PPP1R13L: variants seen among roughly 807,000 people sequenced by gnomAD.
PPP1R13L encodes the protein relA-associated inhibitor.
PPP1R13L carries 50 observed loss-of-function variants against 80.9 expected under a neutral mutation model. That is an observed-to-expected ratio of 0.62 (90% CI 0.49 to 0.78). PPP1R13L has a LOEUF of 0.78. PPP1R13L is among the 30% of genes least tolerant of loss of function. PPP1R13L has a pLI of 0.00. For synonymous variants in PPP1R13L, 602 were observed against 534.3 expected, an observed-to-expected ratio of 1.13 and a Z score of -1.75; for missense variants, 1,200 against 1,205.9, an observed-to-expected ratio of 1.00 and a Z score of 0.07.
intron 7 of PPP1R13L, 136 bp from the exon 8 acceptor site, chr19:45,392,476 T>G (rs1462319178): frequency 1.1e-6 from 1 of 876,812 alleles, no homozygotes; most frequent in African/African-American, 1.7e-5. Flanking sequence ...CTCTCTGGGC[T>G]ACACTTTCCT....
At chr19:45,383,906 C>T (rs1365762296) in intron 11 of PPP1R13L, among the ~76,000 whole-genome samples, 1 of 151,726 alleles carries the variant, frequency 6.6e-6, no homozygotes, top group Non-Finnish European at 1.5e-5. Flanking sequence ...GGACTACAGG[C>T]CCACGCCGCT....
Position 45,396,486 on chromosome 19 carries a change from G to T in PPP1R13L, c.713-50C>A. 1 of 1,611,054 alleles carries T rather than the reference G, an allele frequency of 6.2e-7. No individual in the cohort carries two copies. ...TGAGACGGGAGGGGTGGCGAGCCCC[G>T]GATCCTGCCCGCTTTGACCCCGCGA... On this transcript the variant is annotated intron_variant, in intron 4 of 12. Coordinates refer to ENST00000360957, the MANE Select transcript of PPP1R13L (RefSeq NM_006663.4). The surrounding 1 kb of genome is among the most constrained non-coding windows in gnomAD (Gnocchi z 5.3).
rs200307247 is a variant in PPP1R13L at position 45,392,013 on chromosome 19, C to A, written c.1682G>T (p.Gly561Val). The A allele has an allele frequency of 1.4e-5, 22 of 1,539,422 alleles. No individual in the cohort carries two copies. The highest frequency in any genetic ancestry group is 1.9e-5 in the Non-Finnish European group (22 of 1,146,618). Residue 561 changes from glycine to valine, a missense_variant, in exon 8 of 13, where the codon GGG (glycine) becomes GTG (valine). Physicochemically the swap from Gly to Val is moderately radical, Grantham distance 109. This residue lies in a region of PPP1R13L where 214 missense variants were observed against 199.6 expected (regional missense o/e 1.07). Transcript: ENST00000360957. ...FHRHGGPGPG[G>V]PEPELSPITE... The stretch of plus-strand genomic sequence containing the variant: ...GATGGGGGACAGCTCTGGCTCCGGC[C>A]CCCCGGGCCCTGGCCCCCCATGACG...
Position 45,385,879 on chromosome 19 carries a change from C to T in PPP1R13L, c.2026G>A (p.Val676Met), listed in dbSNP as rs1972857534. The change falls in exon 10 of 13, where the codon GTG becomes ATG. Residue 676 changes from valine to methionine, a missense_variant. By Grantham distance (21) the Val-to-Met change is conservative. This residue lies in a region of PPP1R13L where 214 missense variants were observed against 199.6 expected (regional missense o/e 1.07). Coordinates refer to ENST00000360957, the MANE Select transcript of PPP1R13L (RefSeq NM_006663.4). ...NAICGANYSI[V>M]DFLITAGANV... ...GCACCCGCGGTGATGAGGAAATCCA[C>T]GATAGAGTAGTTGGCGCCGCAGATG... The T allele has an allele frequency of 1.9e-6, 3 of 1,611,012 alleles. No homozygotes were observed. Among genetic ancestry groups the T allele is most frequent in the Non-Finnish European group, 1.7e-6 (2 of 1,178,780 alleles).
At chr19:45,406,052 T>G (rs973495667), upstream of PPP1R13L, among the ~76,000 whole-genome samples, 1 of 152,186 alleles carries the variant, frequency 6.6e-6, no homozygotes, top group African/African-American at 2.4e-5. This position sits in a 1 kb window ranked among gnomAD's most constrained non-coding sequence, Gnocchi z 4.2. Context: ...TCCACGCGTG[T>G]GGGGCTCCTG....
intron 1 of PPP1R13L, among the ~76,000 whole-genome samples, chr19:45,401,782 G>A (rs1973237195): frequency 6.8e-6 from 1 of 147,982 alleles, no homozygotes; most frequent in South Asian, 2.2e-4. Flanking sequence ...GTAAAAGCAT[G>A]AGTAAGAAGT....
chr19:45,397,464 C>CTTTCTT (rs1555782640), intron 3 of PPP1R13L, among the ~76,000 whole-genome samples: 3 of 101,612 alleles, frequency 3.0e-5, no homozygotes, highest in East Asian at 5.3e-4. Context: ...TGCTTGCTTT[C>CTTTCTT]TCTCTCTCTC....
chr19:45,397,082 G>A (rs1400913891), intron 3 of PPP1R13L, 24 bp from the exon 4 acceptor site: 1 of 1,291,104 alleles, frequency 7.7e-7, no homozygotes, highest in East Asian at 3.1e-5. Context: ...AGGGCATTGA[G>A]GGATGGATCA....
At chr19:45,406,276 T>C, upstream of PPP1R13L, 1 of 1,032,654 alleles carries the variant, frequency 9.7e-7, no homozygotes, top group Non-Finnish European at 1.2e-6. This position sits in a 1 kb window ranked among gnomAD's most constrained non-coding sequence, Gnocchi z 4.2. Flanking sequence ...ACAGCCCTAC[T>C]AACTAGTATT....
chr19:45,384,297 G>C lies in PPP1R13L; in HGVS notation c.2248+1265C>G, dbSNP rs1457275554. Reference sequence around the variant, plus strand: ...GCACTTTGGGAGGCCAAGGCAGGCGGATCCTCTGAGGTCAGGGGTTTGAGA... The same window carrying C: ...GCACTTTGGGAGGCCAAGGCAGGCGCATCCTCTGAGGTCAGGGGTTTGAGA... On this transcript the variant is annotated intron_variant, in intron 11 of 12. Transcript: ENST00000360957. Among the ~76,000 whole-genome samples, 10 of 147,026 alleles carry C rather than the reference G, an allele frequency of 6.8e-5. No individual in the cohort carries two copies. The Admixed American group carries it at 7.0e-4, about 10-fold the overall frequency.
At chr19:45,381,774 C>T (rs1045380462) in intron 12 of PPP1R13L, among the ~76,000 whole-genome samples, 1 of 119,124 alleles carries the variant, frequency 8.4e-6, no homozygotes, top group Non-Finnish European at 1.8e-5. Flanking sequence ...ACACAAAATA[C>T]AAAAAAAAAA....
At chr19:45,405,091 G>C (rs951030049), upstream of PPP1R13L, 2 of 983,140 alleles carry the variant, frequency 2.0e-6, no homozygotes, top group Non-Finnish European at 1.2e-6. Flanking sequence ...GCTGGGAACA[G>C]GTTAGACGAC....
chr19:45,382,021 A>T (rs8112723), intron 12 of PPP1R13L, among the ~76,000 whole-genome samples: 60,315 of 151,786 alleles, frequency 0.4, 12,082 homozygotes, highest in East Asian at 0.46. Context: ...CAGGTGGATC[A>T]TTTGAGGTCA....
chr19:45,392,372 G>A (rs1447950067), intron 7 of PPP1R13L, 32 bp from the exon 8 acceptor site: 1 of 1,600,666 alleles, frequency 6.2e-7, no homozygotes, highest in Non-Finnish European at 8.6e-7. Context: ...CAGAGGACAG[G>A]TCCCCAGGAG....
intron 12 of PPP1R13L, 117 bp downstream of exon 12, chr19:45,382,410 C>G: frequency 4.9e-6 from 6 of 1,232,774 alleles, no homozygotes; most frequent in Non-Finnish European, 6.9e-6. Context: ...GCTTTTCAGA[C>G]CTCCCTCTCC....
intron 1 of PPP1R13L, among the ~76,000 whole-genome samples, chr19:45,398,543 C>T (rs1337320471): frequency 6.6e-6 from 1 of 151,860 alleles, no homozygotes; most frequent in African/African-American, 2.4e-5. Context: ...CAAACCCAGT[C>T]TAAAACCTCC....
chr19:45,388,411 T>A (rs10419767), intron 8 of PPP1R13L, among the ~76,000 whole-genome samples: 24,022 of 151,412 alleles, frequency 0.16, 3,247 homozygotes, highest in African/African-American at 0.35. Context: ...CTGTCTCTAC[T>A]GAAAATGTTA....
At position 45,395,812 on chromosome 19, in the gene PPP1R13L, C is replaced by A. The variant is rs577984959; in HGVS notation, c.978G>T (p.Ala326=). ...SPLASDRRSD[A]GSYRRSLGSA... is the part of the protein sequence containing the mutation. ...AGCCCAGCGAGCGCCGGTAGCTGCC[C>A]GCGTCTGAACGCCGGTCGCTGGCCA... Residue 326 remains alanine, a synonymous_variant, in exon 7 of 13, where the codon GCG becomes GCT. Coordinates refer to ENST00000360957, the MANE Select transcript of PPP1R13L (RefSeq NM_006663.4). 3.8e-6 allele frequency: 6 copies of A among 1,589,174 alleles called. No individual in the cohort carries two copies. Among genetic ancestry groups the A allele is most frequent in the Non-Finnish European group, 3.4e-6 (4 of 1,170,266 alleles).
intron 8 of PPP1R13L, among the ~76,000 whole-genome samples, chr19:45,389,150 TA>T (rs1404358180): frequency 6.6e-6 from 1 of 152,244 alleles, no homozygotes; most frequent in Non-Finnish European, 1.5e-5. Context: ...TATGATTTTT[TA>T]AGTTTCTCTG....
Sources: gnomAD v4.1 joint callset for allele counts (sites outside exome capture counted in the v4.1 genomes callset) on GRCh38, gnomAD v4.1.1 for gene constraint, gnomAD v4.1.1 regional missense constraint, Gnocchi (gnomAD v3.1) non-coding constraint, MANE v1.5 for transcripts, NCBI Gene and HGNC (gene_info 2026-07-23, HGNC 2026-07-21) for gene names.